The following LAMA2 variants were observed in gnomAD, a reference collection of about 807,000 sequenced individuals.
LAMA2 encodes the protein laminin subunit alpha-2.
A neutral mutation model predicts 364.8 loss-of-function variants in LAMA2; 269 were observed. The observed-to-expected ratio is 0.74, with a 90% CI of 0.67 to 0.82. LAMA2 has a LOEUF of 0.82. LAMA2 is among the 40% of genes least tolerant of loss of function. LAMA2 has a pLI of 0.00. For synonymous variants in LAMA2, 1,379 were observed against 1,370.6 expected (o/e 1.01, Z -0.14); for missense variants, 3,807 against 3,873.2 (o/e 0.98, Z 0.45).
chr6:128,974,953 G>T (rs759708131), intron 1 of LAMA2, among the ~76,000 whole-genome samples: 1 of 151,142 alleles, frequency 6.6e-6, no homozygotes, highest in African/African-American at 2.4e-5. Context: ...ACGGGTTCAC[G>T]CCATTCTCCT....
At chr6:129,389,689 G>C (rs1029718021) in intron 35 of LAMA2, among the ~76,000 whole-genome samples, 2 of 152,186 alleles carry the variant, frequency 1.3e-5, no homozygotes, top group African/African-American at 2.4e-5. Context: ...GATCATGGCA[G>C]AAGGCAAAGG....
chr6:129,445,912 A>G, intron 45 of LAMA2, 91 bp downstream of exon 45: 1 of 1,300,944 alleles, frequency 7.7e-7, no homozygotes, highest in Non-Finnish European at 1.1e-6. Flanking sequence ...TCCCCGTTGA[A>G]TGATCTTGGG....
At chr6:129,291,441 G>A (rs1474888099) in intron 19 of LAMA2, among the ~76,000 whole-genome samples, 173 bp from the exon 20 acceptor site, 1 of 152,230 alleles carries the variant, frequency 6.6e-6, no homozygotes, top group African/African-American at 2.4e-5. Context: ...AGCTTGTAGA[G>A]TTGTTATAGG....
At chr6:129,210,028 T>G (rs998757837) in intron 12 of LAMA2, among the ~76,000 whole-genome samples, 12 of 122,882 alleles carry the variant, frequency 9.8e-5, no homozygotes, top group East Asian at 2.3e-4. Context: ...AAAAAAAATT[T>G]TTACTATTGA....
At chr6:129,344,670 C>G (rs1284041993) in intron 30 of LAMA2, among the ~76,000 whole-genome samples, 1 of 151,970 alleles carries the variant, frequency 6.6e-6, no homozygotes, top group Non-Finnish European at 1.5e-5. Flanking sequence ...GAATGAAAGA[C>G]AGGACTTTAT....
At chr6:129,355,057 C>G (rs1777074004) in intron 32 of LAMA2, among the ~76,000 whole-genome samples, 1 of 152,072 alleles carries the variant, frequency 6.6e-6, no homozygotes, top group Non-Finnish European at 1.5e-5. Context: ...AGTTGCTGGA[C>G]TGGAAGTGTT....
At chr6:129,190,112 G>A in intron 10 of LAMA2, 93 bp from the exon 11 acceptor site, 1 of 1,242,976 alleles carries the variant, frequency 8.0e-7, no homozygotes, top group Non-Finnish European at 1.2e-6. Flanking sequence ...GTAAAATGAA[G>A]AATGTACAGT....
intron 4 of LAMA2, among the ~76,000 whole-genome samples, chr6:129,133,483 T>G (rs1203372408): frequency 1.3e-5 from 2 of 152,070 alleles, no homozygotes; most frequent in Admixed American, 6.6e-5. Flanking sequence ...AAGGGAACAT[T>G]CAGAGAATGT....
intron 4 of LAMA2, among the ~76,000 whole-genome samples, chr6:129,101,619 A>G (rs1775524900): frequency 6.6e-6 from 1 of 152,198 alleles, no homozygotes; most frequent in African/African-American, 2.4e-5. Context: ...CAGTTAATCA[A>G]AATTAAATTA....
intron 22 of LAMA2, among the ~76,000 whole-genome samples, chr6:129,305,337 T>A (rs776060241): frequency 6.6e-6 from 1 of 151,750 alleles, no homozygotes; most frequent in Non-Finnish European, 1.5e-5. Context: ...TTTTTTTTTT[T>A]ATTCTGAGAC....
At chr6:129,488,090 A>G (rs1784684616) in intron 56 of LAMA2, among the ~76,000 whole-genome samples, 1 of 152,156 alleles carries the variant, frequency 6.6e-6, no homozygotes, top group Non-Finnish European at 1.5e-5. Flanking sequence ...CAGGTGGATC[A>G]TGAGGTCAGG....
In LAMA2 at chr6:129,516,500, A is replaced by T; in HGVS notation, c.*153A>T. 2 of 727,964 alleles carry T rather than the reference A, an allele frequency of 2.7e-6. No homozygotes were observed. Among genetic ancestry groups the T allele is most frequent in the Non-Finnish European group, 4.7e-6 (2 of 425,494 alleles). 45.1% of individuals were successfully genotyped at this position (727,964 alleles called of 1,614,324 possible). On this transcript the variant is annotated 3_prime_UTR_variant, in exon 65 of 65. Coordinates refer to ENST00000421865, the MANE Select transcript of LAMA2 (RefSeq NM_000426.4). ...CAGATGGTGCTAATTCAGACTCCAG[A>T]CTGAATTTTAATTCAAGTTCTTTCT...
At chr6:129,422,607 T>C (rs1400453227) in intron 40 of LAMA2, among the ~76,000 whole-genome samples, 1 of 152,120 alleles carries the variant, frequency 6.6e-6, no homozygotes, top group Non-Finnish European at 1.5e-5. Flanking sequence ...ACAATTTGGA[T>C]AAAAAGGGCA....
At chr6:129,109,215 G>C (rs1775999084) in intron 4 of LAMA2, among the ~76,000 whole-genome samples, 1 of 152,052 alleles carries the variant, frequency 6.6e-6, no homozygotes, top group South Asian at 2.1e-4. Flanking sequence ...TTGATTCTGT[G>C]TTGGGGGCAG....
rs1409456911 is a variant in LAMA2 at position 129,236,723 on chromosome 6, A to G, written c.1783-13389A>G. Reference sequence around the variant, plus strand: ...TAGATTAATATATACTCATGTGTATATATGTACATGCACACTCACACACAT... The same window carrying G: ...TAGATTAATATATACTCATGTGTATGTATGTACATGCACACTCACACACAT... On this transcript the variant is annotated intron_variant, in intron 12 of 64. Transcript: ENST00000421865. Among the ~76,000 whole-genome samples, 3 of 152,180 alleles carry G rather than the reference A, an allele frequency of 2.0e-5. No homozygotes were observed. In the East Asian group the frequency reaches 5.8e-4, roughly 29 times the overall value.
rs1233883024 is a variant in LAMA2, at chr6:129,416,196, G to GCCTCGGCCT, written c.5866-11554_5866-11553insTCGGCCTCC. ...GATCTCCTGACCTCGTGATCCGCCCGCCCAAAGTGCTGGGATTACAGGCGT... is the reference window on the plus strand; with the variant it reads ...GATCTCCTGACCTCGTGATCCGCCCGCCTCGGCCTCCCAAAGTGCTGGGATTACAGGCGT... On this transcript the variant is annotated intron_variant, in intron 40 of 64. Transcript: ENST00000421865. Among the ~76,000 whole-genome samples the GCCTCGGCCT allele has an allele frequency of 2.3e-4, 9 of 38,954 alleles. 1 individual carries two copies. The South Asian group carries it at 2.6e-3, about 11-fold the overall frequency. 25.6% of individuals were successfully genotyped at this position (38,954 alleles called of 152,430 possible). A position where few individuals can be genotyped will look rare whatever the true frequency, so the allele number is the denominator to read the frequency against.
At chr6:128,892,546 A>T (rs1395210974) in intron 1 of LAMA2, among the ~76,000 whole-genome samples, 8 of 152,026 alleles carry the variant, frequency 5.3e-5, no homozygotes, top group Non-Finnish European at 8.8e-5. Flanking sequence ...AAGGTTAGTT[A>T]TTATTCTTAG....
intron 1 of LAMA2, among the ~76,000 whole-genome samples, chr6:129,008,381 T>C (rs79590898): frequency 0.021 from 3,171 of 152,264 alleles, 110 homozygotes; most frequent in African/African-American, 0.072. Flanking sequence ...TACTGAAAAT[T>C]AAGAGTACAG....
intron 12 of LAMA2, among the ~76,000 whole-genome samples, chr6:129,219,484 C>T (rs1445026609): frequency 6.6e-6 from 1 of 151,548 alleles, no homozygotes; most frequent in East Asian, 1.9e-4. Flanking sequence ...TGGGTATGTA[C>T]CCAAAGGACT....
Sources: gnomAD v4.1 joint callset for allele counts (sites outside exome capture counted in the v4.1 genomes callset) on GRCh38, gnomAD v4.1.1 for gene constraint, MANE v1.5 for transcripts, NCBI Gene and HGNC (gene_info 2026-07-23, HGNC 2026-07-21) for gene names.